TENM4: variants seen among roughly 807,000 people sequenced by gnomAD.
TENM4 encodes the protein teneurin-4.
A neutral mutation model predicts 243.3 loss-of-function variants in TENM4; 82 were observed. The ratio of observed to expected loss-of-function variants is 0.34; its 90% CI spans 0.28 to 0.40. TENM4 has a LOEUF of 0.40. Among genes scored for constraint, TENM4 ranks in the 10% least tolerant of loss-of-function variants. The pLI, the probability that TENM4 is intolerant of heterozygous loss-of-function variation, is 1.00. For missense variants in TENM4, 3,138 were observed against 3,673.3 expected (o/e 0.85, Z 3.77); for synonymous variants, 1,412 against 1,456.3 (o/e 0.97, Z 0.69).
At position 79,154,713 on chromosome 11, in the gene TENM4, T is replaced by C. The variant is rs142354862; in HGVS notation, c.-162-5907A>G. Among the ~76,000 whole-genome samples the C allele has an allele frequency of 6.2e-4, 94 of 152,238 alleles. 1 individual carries two copies. The highest frequency in any genetic ancestry group is 3.4e-3 in the Middle Eastern group (1 of 294). ...CCTTACTCACTTGCAGGAGAGCTCC[T>C]TGGCCCCTCAGAGGAAGGAGTTTCC... On this transcript the variant is annotated intron_variant, in intron 3 of 33. Coordinates refer to ENST00000278550, the MANE Select transcript of TENM4 (RefSeq NM_001098816.3).
chr11:79,275,326 C>T (rs963068721), intron 2 of TENM4, among the ~76,000 whole-genome samples: 9 of 152,234 alleles, frequency 5.9e-5, no homozygotes, highest in East Asian at 3.9e-4. Context: ...GCTTCTCAGA[C>T]GCAAGCCACA....
At chr11:79,319,509 T>A (rs182480439) in intron 1 of TENM4, among the ~76,000 whole-genome samples, 53 of 152,210 alleles carry the variant, frequency 3.5e-4, no homozygotes, top group Admixed American at 6.5e-4. Context: ...AAAATCACCA[T>A]CTTTGTAAGA....
intron 1 of TENM4, among the ~76,000 whole-genome samples, chr11:79,321,992 T>C (rs1471887600): frequency 2.0e-5 from 3 of 152,154 alleles, no homozygotes; most frequent in Non-Finnish European, 4.4e-5. Context: ...TGGAAATCAA[T>C]GTGAGATCAG....
intron 3 of TENM4, among the ~76,000 whole-genome samples, chr11:79,163,791 A>ACG (rs1862813198): frequency 2.2e-5 from 1 of 44,880 alleles, no homozygotes; most frequent in Non-Finnish European, 4.5e-5. Flanking sequence ...ATATATATAT[A>ACG]CACACACATA....
chr11:79,292,552 T>C (rs527774726), intron 2 of TENM4, among the ~76,000 whole-genome samples: 1 of 152,366 alleles, frequency 6.6e-6, no homozygotes, highest in Admixed American at 6.5e-5. Context: ...AAACCTCTCA[T>C]AGCCCTGCAT....
At chr11:79,307,224 C>T (rs1217397065) in intron 1 of TENM4, among the ~76,000 whole-genome samples, 4 of 152,134 alleles carry the variant, frequency 2.6e-5, no homozygotes, top group East Asian at 1.9e-4. Context: ...AGAGTGGCAG[C>T]GGGAACTAGA....
At chr11:78,722,615 G>T in intron 24 of TENM4, 53 bp downstream of exon 24, 1 of 1,578,254 alleles carries the variant, frequency 6.3e-7, no homozygotes, top group South Asian at 1.2e-5. Flanking sequence ...GGGGCCCAAA[G>T]GATGGCAAAG....
At chr11:78,710,400 G>C (rs76683779) in intron 26 of TENM4, among the ~76,000 whole-genome samples, 11,859 of 152,290 alleles carry the variant, frequency 0.078, 505 homozygotes, top group Middle Eastern at 0.14. Flanking sequence ...TGAGTGCTGA[G>C]AACCTGCTGG....
intron 4 of TENM4, among the ~76,000 whole-genome samples, chr11:79,146,016 A>G (rs1187884983): frequency 6.6e-6 from 1 of 151,796 alleles, no homozygotes; most frequent in Non-Finnish European, 1.5e-5. Context: ...TACCATATAT[A>G]TTTGGATATG....
intron 9 of TENM4, among the ~76,000 whole-genome samples, chr11:78,887,235 TC>T (rs1272283904): frequency 1.3e-5 from 2 of 152,192 alleles, no homozygotes; most frequent in Non-Finnish European, 2.9e-5. Context: ...TCATCCTCTT[TC>T]AAGTCTTTGT....
chr11:78,761,460 C>T lies in TENM4; in HGVS notation c.2540-4439G>A, dbSNP rs567118888. 3.3e-5 allele frequency among the ~76,000 whole-genome samples: 5 copies of T among 152,076 alleles called. No homozygotes were observed. The East Asian group carries it at 5.8e-4, about 18-fold the overall frequency. On this transcript the variant is annotated intron_variant, in intron 18 of 33. Transcript: ENST00000278550. ...TTCACCGTGTTAGCCAGGATGGTCT[C>T]GATCTCCTGACCTCGTGATCCACCT...
intron 2 of TENM4, among the ~76,000 whole-genome samples, chr11:79,244,387 A>C (rs1363457388): frequency 6.6e-6 from 1 of 152,032 alleles, no homozygotes; most frequent in African/African-American, 2.4e-5. Context: ...TCTTGTCCAG[A>C]GACCCTCATC....
chr11:79,336,331 A>G (rs1857147825), intron 1 of TENM4, among the ~76,000 whole-genome samples: 1 of 152,104 alleles, frequency 6.6e-6, no homozygotes. Context: ...CTAGCTTCTG[A>G]TCGGTTAAAT....
At chr11:78,702,468 C>T in intron 27 of TENM4, 65 bp from the exon 28 acceptor site, 4 of 1,548,286 alleles carry the variant, frequency 2.6e-6, no homozygotes, top group Non-Finnish European at 3.5e-6. Flanking sequence ...CATCCCATAG[C>T]CCATGTAGCC....
At chr11:79,130,759 C>T (rs550120000) in intron 4 of TENM4, among the ~76,000 whole-genome samples, 1 of 152,014 alleles carries the variant, frequency 6.6e-6, no homozygotes, top group Non-Finnish European at 1.5e-5. Flanking sequence ...GGGGGCGGAG[C>T]TTGCAGTGAG....
At chr11:78,674,189 C>G (rs752722145) in intron 30 of TENM4, among the ~76,000 whole-genome samples, 1 of 152,190 alleles carries the variant, frequency 6.6e-6, no homozygotes, top group South Asian at 2.1e-4. Context: ...ACTGGGGAGC[C>G]GCCTAATGCG....
chr11:78,796,001 C>G (rs1565382332), intron 15 of TENM4, among the ~76,000 whole-genome samples: 1 of 152,152 alleles, frequency 6.6e-6, no homozygotes, highest in South Asian at 2.1e-4. Flanking sequence ...AGCCATGGCT[C>G]TGTTCCACGG....
chr11:78,964,730 A>T (rs1395438369), intron 6 of TENM4, among the ~76,000 whole-genome samples: 1 of 152,190 alleles, frequency 6.6e-6, no homozygotes, highest in Non-Finnish European at 1.5e-5. Flanking sequence ...TCTGTCTCCT[A>T]CATGAAAGTA....
At chr11:79,168,824 G>C (rs1862977339) in intron 3 of TENM4, among the ~76,000 whole-genome samples, 1 of 152,134 alleles carries the variant, frequency 6.6e-6, no homozygotes. Flanking sequence ...TGTGAGTTCT[G>C]AGCCCAGGCT....
Sources: gnomAD v4.1 joint callset for allele counts (sites outside exome capture counted in the v4.1 genomes callset) on GRCh38, gnomAD v4.1.1 for gene constraint, MANE v1.5 for transcripts, NCBI Gene and HGNC (gene_info 2026-07-23, HGNC 2026-07-21) for gene names.